Variants in SMAD7 observed in about 807,000 individuals in gnomAD.
SMAD7 encodes SMAD family member 7.
In SMAD7, 8 loss-of-function variants were observed where a neutral mutation model predicts 38.7. The ratio of observed to expected loss-of-function variants is 0.21; its 90% confidence interval spans 0.12 to 0.37. The LOEUF (loss-of-function observed/expected upper bound fraction) is 0.37, where lower values mean the gene tolerates loss of function less well. Among genes scored for constraint, SMAD7 ranks in the 10% least tolerant of loss-of-function variants. SMAD7 has a pLI of 1.00. For missense variants in SMAD7, 477 were observed against 577.9 expected (o/e 0.83, Z 1.79); for synonymous variants, 327 against 265.1 (o/e 1.23, Z -2.27).
intron 3 of SMAD7, 112 bp from the exon 4 acceptor site, chr18:48,922,022 GA>G (rs1350342210): frequency 1.2e-6 from 1 of 843,838 alleles, no homozygotes. Flanking sequence ...CTCAGGACGA[GA>G]CAGAAAGAAG....
chr18:48,926,748 G>T (rs966674603), intron 3 of SMAD7, among the ~76,000 whole-genome samples: 1 of 152,152 alleles, frequency 6.6e-6, no homozygotes, highest in African/African-American at 2.4e-5. Flanking sequence ...GGACCCAGGC[G>T]CCACCAACGG....
chr18:48,923,235 G>C (rs998729527), intron 3 of SMAD7, among the ~76,000 whole-genome samples: 2 of 152,226 alleles, frequency 1.3e-5, no homozygotes, highest in Non-Finnish European at 2.9e-5. Context: ...GGGACCTGGG[G>C]GGCACAAAGC....
intron 2 of SMAD7, among the ~76,000 whole-genome samples, chr18:48,947,898 C>CG (rs796272334): frequency 1.3e-5 from 2 of 149,550 alleles, no homozygotes; most frequent in African/African-American, 4.9e-5. Flanking sequence ...ACCTACCCCC[C>CG]CCCCCCTTTT....
chr18:48,937,466 C>T (rs1263819178), intron 3 of SMAD7, among the ~76,000 whole-genome samples: 1 of 152,034 alleles, frequency 6.6e-6, no homozygotes, highest in Non-Finnish European at 1.5e-5. Flanking sequence ...GCAGAGCAGC[C>T]CAAATTTGCT....
chr18:48,942,258 C>T (rs542060295), intron 3 of SMAD7, among the ~76,000 whole-genome samples: 143 of 152,268 alleles, frequency 9.4e-4, no homozygotes, highest in African/African-American at 3.3e-3. Flanking sequence ...GCTCTTGTCT[C>T]CCCGTCCACG....
At chr18:48,937,596 C>T (rs2070085873) in intron 3 of SMAD7, among the ~76,000 whole-genome samples, 1 of 152,150 alleles carries the variant, frequency 6.6e-6, no homozygotes. Context: ...TGACCTGGGG[C>T]ACTGCAGAAG....
intron 3 of SMAD7, among the ~76,000 whole-genome samples, chr18:48,936,928 C>G (rs536313748): frequency 6.6e-6 from 1 of 151,972 alleles, no homozygotes; most frequent in African/African-American, 2.4e-5. Flanking sequence ...AAAAAGTACA[C>G]AAATTAGCCG....
chr18:48,934,848 G>T (rs556585843), intron 3 of SMAD7, among the ~76,000 whole-genome samples: 2 of 151,552 alleles, frequency 1.3e-5, no homozygotes, highest in Non-Finnish European at 2.9e-5. Flanking sequence ...ACTTTTCTCT[G>T]GAGTTATTCT....
At chr18:48,929,925 A>C (rs948936569) in intron 3 of SMAD7, among the ~76,000 whole-genome samples, 2 of 152,058 alleles carry the variant, frequency 1.3e-5, no homozygotes, top group Admixed American at 6.5e-5. Flanking sequence ...AGTGAGAAAC[A>C]AAAGTCCTTT....
chr18:48,928,216 G>C (rs2069952110), intron 3 of SMAD7, among the ~76,000 whole-genome samples: 1 of 152,238 alleles, frequency 6.6e-6, no homozygotes, highest in African/African-American at 2.4e-5. Flanking sequence ...AAGGGGACAA[G>C]GGAAGATGGC....
In SMAD7 at chr18:48,950,296, C is replaced by T. The variant is rs1417439053; in HGVS notation, c.129G>A (p.Thr43=). 1.3e-6 allele frequency: 2 copies of T among 1,531,824 alleles called. No homozygotes were observed. Among genetic ancestry groups the T allele is most frequent in the Non-Finnish European group, 1.8e-6 (2 of 1,140,472 alleles). 94.9% of individuals were successfully genotyped at this position (1,531,824 alleles called of 1,614,324 possible). ...GGGELRGEGA[T]DSRAHGAGGG... ...CACCGGCCCCATGCGCTCGGCTGTC[C>T]GTCGCCCCTTCTCCCCGCAGCTCGC... Residue 43 remains threonine, a synonymous_variant, in exon 1 of 4, where the codon ACG becomes ACA. Coordinates refer to ENST00000262158, the MANE Select transcript of SMAD7 (RefSeq NM_005904.4).
chr18:48,924,945 C>A (rs1240796220), intron 3 of SMAD7, among the ~76,000 whole-genome samples: 4 of 152,252 alleles, frequency 2.6e-5, no homozygotes, highest in Non-Finnish European at 5.9e-5. Flanking sequence ...AATTCCCCGC[C>A]ATTTGGGCTC....
intron 3 of SMAD7, among the ~76,000 whole-genome samples, chr18:48,935,564 G>A (rs1469890570): frequency 6.6e-6 from 1 of 152,212 alleles, no homozygotes; most frequent in Non-Finnish European, 1.5e-5. Context: ...TGGATCACCA[G>A]CTTTTGGAGC....
intron 3 of SMAD7, among the ~76,000 whole-genome samples, chr18:48,937,264 A>ATGTATGTGTGTGTG (rs2070078829): frequency 8.3e-6 from 1 of 119,778 alleles, no homozygotes; most frequent in Admixed American, 8.3e-5. Context: ...AAGTAAAGGC[A>ATGTATGTGTGTGTG]TGTGTGTGTG....
intron 3 of SMAD7, among the ~76,000 whole-genome samples, chr18:48,932,810 T>TC (rs2070018014): frequency 6.6e-6 from 1 of 152,154 alleles, no homozygotes; most frequent in South Asian, 2.1e-4. Context: ...ATTTCCTTCA[T>TC]CCCCCAGATG....
chr18:48,942,678 G>T (rs544216010), intron 2 of SMAD7, 123 bp from the exon 3 acceptor site: 3 of 1,565,354 alleles, frequency 1.9e-6, no homozygotes, highest in Non-Finnish European at 1.7e-6. Flanking sequence ...CTGACTCGCG[G>T]CCTTGATGCT....
chr18:48,945,186 T>G (rs1196958650), intron 2 of SMAD7, among the ~76,000 whole-genome samples: 2 of 151,818 alleles, frequency 1.3e-5, no homozygotes, highest in Non-Finnish European at 2.9e-5. Flanking sequence ...CACTGCCAGG[T>G]GCAGTGGCTC....
intron 1 of SMAD7, 143 bp downstream of exon 1, chr18:48,949,669 C>A: frequency 1.1e-6 from 1 of 874,180 alleles, no homozygotes. Flanking sequence ...TATGCACACT[C>A]TCCCAGGAGG....
intron 3 of SMAD7, among the ~76,000 whole-genome samples, chr18:48,940,643 T>A (rs1406843263): frequency 6.6e-6 from 1 of 152,010 alleles, no homozygotes; most frequent in Non-Finnish European, 1.5e-5. Flanking sequence ...TCCCAGCTAC[T>A]TGGGAGGCTG....
Sources: gnomAD v4.1 joint callset for allele counts (sites outside exome capture counted in the v4.1 genomes callset) on GRCh38, gnomAD v4.1.1 for gene constraint, MANE v1.5 for transcripts, NCBI Gene and HGNC (gene_info 2026-07-23, HGNC 2026-07-21) for gene names.